The following CFAP20DC variants were observed in gnomAD, a reference collection of about 807,000 sequenced individuals.
CFAP20DC encodes the protein protein CFAP20DC.
CFAP20DC carries 84 observed loss-of-function variants against 101.7 expected under a neutral mutation model. That is an observed-to-expected ratio of 0.83 (90% CI 0.69 to 0.99). The LOEUF is 0.99. CFAP20DC is among the 50% of genes least tolerant of loss of function. CFAP20DC has a pLI of 0.00. For synonymous variants in CFAP20DC, 359 were observed against 351.2 expected (o/e 1.02, Z -0.25); for missense variants, 1,007 against 970.3 (o/e 1.04, Z -0.50).
rs550687613 is a variant in CFAP20DC at position 58,817,509 on chromosome 3, C to A, written c.2176-11053G>T. Among the ~76,000 whole-genome samples, 1,341 of 144,388 alleles carry A rather than the reference C, an allele frequency of 9.3e-3. 22 individuals are homozygous for A. The highest frequency in any genetic ancestry group is 0.033 in the African/African-American group (1,263 of 38,834). The allele number at this position is 144,388 out of a possible 152,430, so 94.7% of individuals were successfully genotyped here. The stretch of plus-strand genomic sequence containing the variant: ...GTGAAGAATGCAGAAGCCTCAGGAG[C>A]CGATGCGATCAACTGGAAGAAAGGG... On this transcript the variant is annotated intron_variant, in intron 14 of 16. Transcript: ENST00000482387.
intron 7 of CFAP20DC, among the ~76,000 whole-genome samples, chr3:58,872,046 A>G (rs1235631749): frequency 6.6e-6 from 1 of 152,180 alleles, no homozygotes; most frequent in Non-Finnish European, 1.5e-5. Flanking sequence ...ATTGGACTAC[A>G]ACTGAGGGGT....
chr3:58,920,916 G>C (rs1056581694), intron 5 of CFAP20DC, among the ~76,000 whole-genome samples: 2 of 152,066 alleles, frequency 1.3e-5, no homozygotes, highest in Non-Finnish European at 2.9e-5. Context: ...ACTGGACCTG[G>C]ATTTTATTTT....
chr3:58,933,037 CAG>C (rs1177542595), intron 5 of CFAP20DC, among the ~76,000 whole-genome samples: 3 of 152,080 alleles, frequency 2.0e-5, no homozygotes, highest in Non-Finnish European at 2.9e-5. Context: ...ATCTCACGTG[CAG>C]AGACACACAT....
Position 58,978,253 on chromosome 3 carries a change from A to G in CFAP20DC, c.279-40491T>C, listed in dbSNP as rs138938817. On this transcript the variant is annotated intron_variant, in intron 4 of 16. Transcript: ENST00000482387. ...CCCCACTCCCCTGCCTTATAATAGC[A>G]TCCTATCCCTGACCTTCATACTTCC... is the stretch of plus-strand genomic sequence containing the variant. Among the ~76,000 whole-genome samples the G allele has an allele frequency of 3.3e-5, 5 of 152,206 alleles. No individual in the cohort carries two copies. The East Asian group carries it at 5.8e-4, about 18-fold the overall frequency.
rs2093473259 is a variant in CFAP20DC at position 59,007,808 on chromosome 3, G to A, written c.278+31749C>T. ...GCTCTCAGGAAGCCTCATCCCTAGG[G>A]GAAGTGGGAGAGCACCCTATCAAGG... On this transcript the variant is annotated intron_variant, in intron 4 of 16. Coordinates refer to ENST00000482387, the MANE Select transcript of CFAP20DC (RefSeq NM_001394063.1). This position sits in a 1 kb window ranked among gnomAD's most constrained non-coding sequence, Gnocchi z 4.4. Among the ~76,000 whole-genome samples, 1 of 152,178 alleles carries A rather than the reference G, an allele frequency of 6.6e-6. No individual in the cohort carries two copies. The highest frequency in any genetic ancestry group is 2.1e-4 in the South Asian group (1 of 4,834).
chr3:58,772,358 GA>G (rs1465157636), intron 15 of CFAP20DC, among the ~76,000 whole-genome samples: 1 of 152,020 alleles, frequency 6.6e-6, no homozygotes, highest in Non-Finnish European at 1.5e-5. Context: ...CCAAAATACA[GA>G]AAAATGCTTG....
intron 13 of CFAP20DC, among the ~76,000 whole-genome samples, chr3:58,843,771 A>G (rs1270218698): frequency 1.3e-5 from 2 of 150,650 alleles, no homozygotes; most frequent in African/African-American, 2.4e-5. Flanking sequence ...GAGAAAGGTC[A>G]GGTTACCCTC....
intron 3 of CFAP20DC, among the ~76,000 whole-genome samples, chr3:59,043,873 G>A (rs1699631100): frequency 6.6e-6 from 1 of 152,108 alleles, no homozygotes; most frequent in African/African-American, 2.4e-5. Context: ...GACCCAAATT[G>A]TCATAGTTTC....
At chr3:59,045,104 C>T (rs896080156) in intron 3 of CFAP20DC, among the ~76,000 whole-genome samples, 16 of 150,674 alleles carry the variant, frequency 1.1e-4, no homozygotes, top group African/African-American at 2.9e-4. Context: ...TTTTTTTTTC[C>T]GGTCTCTTTC....
chr3:58,783,833 G>A (rs1559584548), intron 15 of CFAP20DC, among the ~76,000 whole-genome samples: 1 of 151,928 alleles, frequency 6.6e-6, no homozygotes, highest in Non-Finnish European at 1.5e-5. Flanking sequence ...GCAAGGATGT[G>A]GAGAAAGGGT....
intron 4 of CFAP20DC, among the ~76,000 whole-genome samples, chr3:58,988,352 G>A (rs1486996418): frequency 6.6e-6 from 1 of 152,148 alleles, no homozygotes; most frequent in Non-Finnish European, 1.5e-5. Context: ...TTATACCAAA[G>A]TAATAAATAA....
downstream of CFAP20DC, among the ~76,000 whole-genome samples, chr3:58,716,381 T>C (rs1315348587): frequency 6.6e-6 from 1 of 151,798 alleles, no homozygotes; most frequent in Non-Finnish European, 1.5e-5. Flanking sequence ...GCCAGGATGG[T>C]CTCGATCTCC....
At chr3:59,044,811 T>C (rs552265547) in intron 3 of CFAP20DC, among the ~76,000 whole-genome samples, 4 of 152,228 alleles carry the variant, frequency 2.6e-5, no homozygotes, top group South Asian at 4.1e-4. Flanking sequence ...CAAAGTCATA[T>C]TCCTGAAAGT....
chr3:59,039,855 C>T (rs1161861218), intron 3 of CFAP20DC, among the ~76,000 whole-genome samples: 2 of 151,970 alleles, frequency 1.3e-5, no homozygotes, highest in East Asian at 1.9e-4. Context: ...CCATCTGTGG[C>T]CTTCGTGAAA....
chr3:58,812,584 T>A (rs1243196629), intron 14 of CFAP20DC, among the ~76,000 whole-genome samples: 1 of 151,500 alleles, frequency 6.6e-6, no homozygotes, highest in Admixed American at 6.6e-5. Context: ...AGGGATAGCA[T>A]TAGGAGATAT....
intron 13 of CFAP20DC, among the ~76,000 whole-genome samples, chr3:58,835,049 T>C (rs2076644782): frequency 6.6e-6 from 1 of 152,188 alleles, no homozygotes; most frequent in Non-Finnish European, 1.5e-5. Context: ...TGGCAGTCAA[T>C]ACATATATCC....
intron 4 of CFAP20DC, among the ~76,000 whole-genome samples, chr3:58,958,483 A>G (rs2090844677): frequency 6.6e-6 from 1 of 152,164 alleles, no homozygotes; most frequent in Non-Finnish European, 1.5e-5. Flanking sequence ...TGATGCTGCT[A>G]TGAGTATTCA....
intron 4 of CFAP20DC, among the ~76,000 whole-genome samples, chr3:59,004,749 C>G (rs1576672894): frequency 1.3e-5 from 2 of 152,122 alleles, no homozygotes; most frequent in Non-Finnish European, 2.9e-5. Context: ...AACTGGGGTA[C>G]AAATTTTCCA....
intron 14 of CFAP20DC, among the ~76,000 whole-genome samples, chr3:58,811,525 C>T (rs2074632313): frequency 6.6e-6 from 1 of 152,048 alleles, no homozygotes; most frequent in East Asian, 1.9e-4. Context: ...AAACTGGATT[C>T]CTTCCTTATA....
Sources: gnomAD v4.1 joint callset for allele counts (sites outside exome capture counted in the v4.1 genomes callset) on GRCh38, gnomAD v4.1.1 for gene constraint, Gnocchi (gnomAD v3.1) non-coding constraint, MANE v1.5 for transcripts, NCBI Gene and HGNC (gene_info 2026-07-23, HGNC 2026-07-21) for gene names.